Variants in DNAH11 observed in about 807,000 individuals in gnomAD.
The protein encoded by DNAH11 is dynein axonemal heavy chain 11.
A neutral mutation model predicts 526.0 loss-of-function variants in DNAH11; 442 were observed. That is an observed-to-expected ratio of 0.84 (90% CI 0.78 to 0.91). DNAH11 has a LOEUF of 0.91. Ranked by LOEUF, DNAH11 falls within the 40% of genes least tolerant of loss-of-function variation. DNAH11 has a pLI of 0.00. For synonymous variants in DNAH11, 2,461 were observed against 1,935.9 expected (o/e 1.27, Z -7.12); for missense variants, 6,989 against 5,448.7 (o/e 1.28, Z -8.90).
At position 21,619,152 on chromosome 7, in the gene DNAH11, G is replaced by A. The variant is rs766184035; in HGVS notation, c.4307G>A (p.Arg1436Gln). 9 of 1,613,456 alleles carry A rather than the reference G, an allele frequency of 5.6e-6. No homozygotes were observed. In the East Asian group the frequency reaches 1.6e-4, roughly 28 times the overall value. ...ACTTTGGCAGATTTGTTAGCACTGC[G>A]GTTACACAGAGTGGAAGATGATGTC... ...ATTLADLLALRLHRVEDDVRR... is the reference protein window; with the variant it reads ...ATTLADLLALQLHRVEDDVRR... The change falls in exon 24 of 82, where the codon CGG becomes CAG. Residue 1436 changes from arginine to glutamine, a missense_variant. Physicochemically the swap from Arg to Gln is conservative, Grantham distance 43. Transcript: ENST00000409508.
intron 25 of DNAH11, among the ~76,000 whole-genome samples, chr7:21,632,292 C>G (rs1026603260): frequency 6.6e-6 from 1 of 152,158 alleles, no homozygotes; most frequent in Admixed American, 6.5e-5. Context: ...GTCTCTGATG[C>G]CTTGGATACA....
chr7:21,684,112 A>C (rs929002812), intron 32 of DNAH11, among the ~76,000 whole-genome samples, 168 bp downstream of exon 32: 4 of 152,240 alleles, frequency 2.6e-5, no homozygotes, highest in Admixed American at 2.6e-4. Context: ...ACAATGCACA[A>C]ATGATGAAAT....
At chr7:21,584,775 A>G (rs1235993386) in intron 9 of DNAH11, among the ~76,000 whole-genome samples, 2 of 152,154 alleles carry the variant, frequency 1.3e-5, no homozygotes, top group African/African-American at 2.4e-5. Context: ...TTTCTCTTTG[A>G]CAAAAATGAC....
chr7:21,677,203 C>CTTTT (rs34054122), intron 30 of DNAH11, among the ~76,000 whole-genome samples: 1 of 124,158 alleles, frequency 8.1e-6, no homozygotes, highest in African/African-American at 2.9e-5. Flanking sequence ...CAGATACTGC[C>CTTTT]TTTTTTTTTT....
At chr7:21,616,006 A>G (rs539520907) in intron 21 of DNAH11, among the ~76,000 whole-genome samples, 4 of 152,318 alleles carry the variant, frequency 2.6e-5, no homozygotes, top group East Asian at 1.9e-4. Flanking sequence ...ATATATCATA[A>G]TGTTTTAGCC....
At chr7:21,791,196 C>T (rs1583699215) in intron 61 of DNAH11, among the ~76,000 whole-genome samples, 1 of 152,198 alleles carries the variant, frequency 6.6e-6, no homozygotes, top group African/African-American at 2.4e-5. Flanking sequence ...TTTACAGAAA[C>T]CCCTGGAGCT....
At chr7:21,588,795 T>G (rs933697362) in intron 11 of DNAH11, among the ~76,000 whole-genome samples, 159 bp downstream of exon 11, 2 of 152,236 alleles carry the variant, frequency 1.3e-5, no homozygotes, top group Non-Finnish European at 2.9e-5. Flanking sequence ...CCCATGGTTT[T>G]GGAATATTTC....
At chr7:21,838,076 C>G (rs921831716) in intron 65 of DNAH11, among the ~76,000 whole-genome samples, 3 of 152,180 alleles carry the variant, frequency 2.0e-5, no homozygotes, top group Non-Finnish European at 2.9e-5. Flanking sequence ...AAGATTTTCT[C>G]AAAGCTGCTT....
At chr7:21,766,294 C>T (rs1469137210) in intron 55 of DNAH11, among the ~76,000 whole-genome samples, 1 of 152,102 alleles carries the variant, frequency 6.6e-6, no homozygotes, top group African/African-American at 2.4e-5. Flanking sequence ...ATTTAGATTT[C>T]CTGGAGATGA....
At chr7:21,809,551 TTTTGTTTG>T (rs1789415999) in intron 63 of DNAH11, among the ~76,000 whole-genome samples, 1 of 152,088 alleles carries the variant, frequency 6.6e-6, no homozygotes, top group Non-Finnish European at 1.5e-5. Context: ...TTGTTTTGTT[TTTTGTTTG>T]TTTGTTATAT....
At chr7:21,621,241 C>G (rs950889060) in intron 25 of DNAH11, among the ~76,000 whole-genome samples, 2 of 152,004 alleles carry the variant, frequency 1.3e-5, no homozygotes, top group Admixed American at 6.6e-5. Context: ...ATAAATTCCT[C>G]GACACATACA....
chr7:21,871,595 G>A (rs375404863), intron 73 of DNAH11, among the ~76,000 whole-genome samples: 1 of 152,274 alleles, frequency 6.6e-6, no homozygotes, highest in African/African-American at 2.4e-5. Context: ...TTACAAAGCA[G>A]GTTTTATTAT....
intron 48 of DNAH11, 84 bp downstream of exon 48, chr7:21,739,757 C>A: frequency 9.6e-7 from 1 of 1,042,872 alleles, no homozygotes; most frequent in African/African-American, 1.6e-5. Context: ...TATGGGACAT[C>A]TTGTTAAGCA....
intron 48 of DNAH11, 35 bp downstream of exon 48, chr7:21,739,708 G>A (rs753180035): frequency 1.3e-6 from 2 of 1,515,820 alleles, no homozygotes; most frequent in South Asian, 2.4e-5. Context: ...AAAACTGTAG[G>A]TCTGTATTGT....
intron 7 of DNAH11, chr7:21,570,561 C>G (rs938644893): frequency 1.5e-5 from 4 of 274,544 alleles, no homozygotes; most frequent in South Asian, 2.3e-4. Context: ...ATCAGTGACT[C>G]TTAGAATTGA....
At chr7:21,623,737 T>C (rs1398234614) in intron 25 of DNAH11, among the ~76,000 whole-genome samples, 1 of 151,658 alleles carries the variant, frequency 6.6e-6, no homozygotes, top group Non-Finnish European at 1.5e-5. Flanking sequence ...GCACTGCATG[T>C]TCTCACACAT....
At chr7:21,753,845 C>A (rs1009806608) in intron 54 of DNAH11, among the ~76,000 whole-genome samples, 5 of 152,164 alleles carry the variant, frequency 3.3e-5, no homozygotes, top group Non-Finnish European at 7.3e-5. Context: ...TAAACACACT[C>A]CATGTCAATT....
intron 65 of DNAH11, among the ~76,000 whole-genome samples, chr7:21,822,875 A>G (rs1170702679): frequency 3.3e-5 from 5 of 150,750 alleles, no homozygotes; most frequent in African/African-American, 9.8e-5. Context: ...GGCACATTTC[A>G]TATACCCGTT....
rs368820581 is a variant in DNAH11 at position 21,765,550 on chromosome 7, C to T, written c.9063C>T (p.Ser3021=). 5.2e-5 allele frequency: 81 copies of T among 1,550,992 alleles called. No homozygotes were observed. The highest frequency in any genetic ancestry group is 5.1e-4 in the South Asian group (46 of 90,108). Residue 3021 remains serine, a synonymous_variant, in exon 55 of 82, where the codon TCC becomes TCT. Coordinates refer to ENST00000409508, the MANE Select transcript of DNAH11 (RefSeq NM_001277115.2). ...CGTGGCCGCAGGAGGCTCTGGTCTC[C>T]GTCAGCAGGAGGTTCATTGAGGAAA... The part of the protein sequence containing the change: ...FHAWPQEALV[S]VSRRFIEETK...
Sources: gnomAD v4.1 joint callset for allele counts (sites outside exome capture counted in the v4.1 genomes callset) on GRCh38, gnomAD v4.1.1 for gene constraint, MANE v1.5 for transcripts, NCBI Gene and HGNC (gene_info 2026-07-23, HGNC 2026-07-21) for gene names.